Variants in PIK3CA observed in about 807,000 individuals in gnomAD.
PIK3CA encodes the protein phosphatidylinositol 4,5-bisphosphate 3-kinase catalytic subunit alpha isoform.
In PIK3CA, 27 loss-of-function variants were observed where a neutral mutation model predicts 138.2. The observed-to-expected ratio is 0.20, with a 90% CI of 0.14 to 0.27. PIK3CA has a LOEUF of 0.27. Among genes scored for constraint, PIK3CA ranks in the 10% least tolerant of loss-of-function variants. The probability of loss-of-function intolerance (pLI) is 1.00; values close to 1 mark genes in which losing one functional copy is unlikely to be tolerated. For missense variants in PIK3CA, 544 were observed against 1,277.4 expected (o/e 0.43, Z 8.75); for synonymous variants, 358 against 413.2 (o/e 0.87, Z 1.62).
At position 179,212,098 on chromosome 3, in the gene PIK3CA, C is replaced by A. The variant is rs538948401; in HGVS notation, c.1539+1533C>A. 1.3e-3 allele frequency among the ~76,000 whole-genome samples: 198 copies of A among 152,038 alleles called. 1 individual carries two copies. Among genetic ancestry groups the A allele is most frequent in the African/African-American group, 4.5e-3 (185 of 41,502 alleles). On this transcript the variant is annotated intron_variant, in intron 9 of 20. Transcript: ENST00000263967. ...TCTTGGCTCACTGCAACCTCTGCCT[C>A]CCGGGTTCAAGTGATCCTCCTGCCT... is the stretch of plus-strand genomic sequence containing the variant.
chr3:179,196,528 T>C (rs575370399), intron 1 of PIK3CA, among the ~76,000 whole-genome samples: 1 of 152,342 alleles, frequency 6.6e-6, no homozygotes, highest in African/African-American at 2.4e-5. Flanking sequence ...TGGATCTCTT[T>C]TATAAGTTTG....
At chr3:179,215,244 A>G (rs1407525756) in intron 9 of PIK3CA, among the ~76,000 whole-genome samples, 1 of 152,210 alleles carries the variant, frequency 6.6e-6, no homozygotes, top group Non-Finnish European at 1.5e-5. Context: ...CTGCATTTAA[A>G]AGATACGAGT....
At chr3:179,175,437 T>C (rs981276048) in intron 1 of PIK3CA, among the ~76,000 whole-genome samples, 1 of 152,210 alleles carries the variant, frequency 6.6e-6, no homozygotes, top group African/African-American at 2.4e-5. Flanking sequence ...TTTTATGGTA[T>C]GGTACCTTGG....
At chr3:179,213,341 CA>C (rs1724763234) in intron 9 of PIK3CA, among the ~76,000 whole-genome samples, 1 of 152,158 alleles carries the variant, frequency 6.6e-6, no homozygotes, top group Middle Eastern at 3.2e-3. Flanking sequence ...AATAGTCTGT[CA>C]TCTGTAAAGT....
intron 1 of PIK3CA, among the ~76,000 whole-genome samples, chr3:179,179,908 A>G (rs1723798129): frequency 6.6e-6 from 1 of 152,202 alleles, no homozygotes. Flanking sequence ...AATTTAAAGG[A>G]TGAGTATGAT....
rs1724926189 is a variant in PIK3CA, at chr3:179,219,873, CTT to C, written c.1912-74_1912-73del. 6.3e-7 allele frequency: 1 copy of C among 1,576,782 alleles called. No individual in the cohort carries two copies. The highest frequency in any genetic ancestry group is 8.6e-7 in the Non-Finnish European group (1 of 1,165,394). The stretch of plus-strand genomic sequence containing the variant: ...AAAAAATTATTACCAGTAATATCCA[CTT>C]TCTTTCTGAAAAAATTTTCTTTAGA... On this transcript the variant is annotated intron_variant, in intron 12 of 20. Coordinates refer to ENST00000263967, the MANE Select transcript of PIK3CA (RefSeq NM_006218.4). The surrounding 1 kb of genome is among the most constrained non-coding windows in gnomAD (Gnocchi z 4.2).
At chr3:179,181,569 A>G (rs894072656) in intron 1 of PIK3CA, among the ~76,000 whole-genome samples, 4 of 152,202 alleles carry the variant, frequency 2.6e-5, no homozygotes, top group African/African-American at 9.6e-5. Context: ...GAATTATGCA[A>G]TAGAAATAGG....
At chr3:179,149,389 G>C (rs1347501270) in intron 1 of PIK3CA, 1 of 152,082 alleles carries the variant, frequency 6.6e-6, no homozygotes, top group Non-Finnish European at 1.5e-5. Flanking sequence ...TTTTGACCTC[G>C]GCTCGAGGGG....
intron 1 of PIK3CA, among the ~76,000 whole-genome samples, chr3:179,158,896 C>T (rs189146379): frequency 6.6e-6 from 1 of 150,664 alleles, no homozygotes; most frequent in East Asian, 1.9e-4. Context: ...AGACTATTCA[C>T]TCATATTTAA....
rs533983630 is a variant in PIK3CA, at chr3:179,159,307, G to A, written c.-77+10704G>A. Among the ~76,000 whole-genome samples, 9 of 152,222 alleles carry A rather than the reference G, an allele frequency of 5.9e-5. No individual in the cohort carries two copies. The South Asian group carries it at 1.7e-3, about 28-fold the overall frequency. ...GACCAAGAGTTTGTTTCCATAGTAA[G>A]GGATTATGACTAATTTAGGCATTGA... On this transcript the variant is annotated intron_variant, in intron 1 of 20. Transcript: ENST00000263967.
Position 179,226,052 on chromosome 3 carries a change from G to C in PIK3CA, c.2495+12G>C, listed in dbSNP as rs746370623. The C allele has an allele frequency of 6.9e-7, 1 of 1,454,920 alleles. No individual in the cohort carries two copies. Among genetic ancestry groups the C allele is most frequent in the Admixed American group, 1.7e-5 (1 of 59,496 alleles). The allele number at this position is 1,454,920 out of a possible 1,614,324, so 90.1% of individuals were successfully genotyped here. ...GGTCTTGATCTTCGGTAGGTAACCA[G>C]TAAGGCAACCTGTATGTTGAAAGTT... On this transcript the variant is annotated intron_variant, in intron 17 of 20. Transcript: ENST00000263967.
intron 9 of PIK3CA, 38 bp downstream of exon 9, chr3:179,210,603 A>T (rs2108401890): frequency 1.3e-6 from 2 of 1,597,988 alleles, no homozygotes; most frequent in Non-Finnish European, 8.6e-7. Flanking sequence ...TATCAATTAT[A>T]ATCTGTGGAT....
intron 9 of PIK3CA, among the ~76,000 whole-genome samples, chr3:179,211,523 CG>C (rs1362106795): frequency 6.6e-6 from 1 of 151,908 alleles, no homozygotes; most frequent in African/African-American, 2.4e-5. Flanking sequence ...TACAAAAAGC[CG>C]GGTGTGGTGG....
Position 179,199,024 on chromosome 3 carries a change from T to G in PIK3CA, c.199T>G (p.Ser67Ala), listed in dbSNP as rs1456514123. The change falls in exon 2 of 21, where the codon TCT (serine) becomes GCT (alanine). Residue 67 changes from serine (S) to alanine (A), a missense_variant. Physicochemically the swap from Ser to Ala is moderately conservative, Grantham distance 99. Transcript: ENST00000263967. ...PLHQLLQDES[S>A]YIFVSVTQEA... The stretch of plus-strand genomic sequence containing the variant: ...CCATCAACTTCTTCAAGATGAATCT[T>G]CTTACATTTTCGTAAGTGTTACTCA... The G allele has an allele frequency of 6.2e-7, 1 of 1,613,722 alleles. No homozygotes were observed. Among genetic ancestry groups the G allele is most frequent in the Non-Finnish European group, 8.5e-7 (1 of 1,179,794 alleles).
In PIK3CA at chr3:179,232,619, A is replaced by AT. The variant is rs145356741; in HGVS notation, c.2937-1466dup. On this transcript the variant is annotated intron_variant, in intron 20 of 20. Coordinates refer to ENST00000263967, the MANE Select transcript of PIK3CA (RefSeq NM_006218.4). Reference sequence around the variant, plus strand: ...TGGTCGGTTTTATATGAATTTTAGGATTTTTTTTTCTAATTCTGTGAAAAA... The same window carrying AT: ...TGGTCGGTTTTATATGAATTTTAGGATTTTTTTTTTCTAATTCTGTGAAAAA... Among the ~76,000 whole-genome samples, 12 of 150,628 alleles carry AT rather than the reference A, an allele frequency of 8.0e-5. No homozygotes were observed. The South Asian group carries it at 8.4e-4, about 11-fold the overall frequency.
intron 20 of PIK3CA, among the ~76,000 whole-genome samples, chr3:179,231,315 G>C (rs1725205702): frequency 2.6e-5 from 4 of 151,920 alleles, no homozygotes; most frequent in Admixed American, 2.6e-4. Context: ...TTTTCCTCTG[G>C]GTAGAGGGAT....
At chr3:179,156,396 C>A (rs559734983) in intron 1 of PIK3CA, among the ~76,000 whole-genome samples, 117 of 152,260 alleles carry the variant, frequency 7.7e-4, no homozygotes, top group African/African-American at 2.7e-3. Flanking sequence ...TGTCACAGCA[C>A]CCTTAATAGC....
At chr3:179,203,978 C>G (rs1438508985) in intron 5 of PIK3CA, among the ~76,000 whole-genome samples, 189 bp downstream of exon 5, 3 of 152,174 alleles carry the variant, frequency 2.0e-5, no homozygotes, top group Admixed American at 2.0e-4. Flanking sequence ...TTATACAGCT[C>G]ACAGTCCTTT....
In PIK3CA at chr3:179,237,883, T is replaced by TGCA. The variant is rs1287294630; in HGVS notation, c.*3521_*3523dup. The TGCA allele has an allele frequency of 4.7e-6, 1 of 210,642 alleles. No homozygotes were observed. Among genetic ancestry groups the TGCA allele is most frequent in the African/African-American group, 2.3e-5 (1 of 44,160 alleles). The allele number at this position is 210,642 out of a possible 1,614,324, so 13.0% of individuals were successfully genotyped here. A position where few individuals can be genotyped will look rare whatever the true frequency, so the allele number is the denominator to read the frequency against. On this transcript the variant is annotated 3_prime_UTR_variant, in exon 21 of 21. Coordinates refer to ENST00000263967, the MANE Select transcript of PIK3CA (RefSeq NM_006218.4). ...CTCTTTTTTCTATGTCTGCACAAAC[T>TGCA]GCAGACCTGGGCTGGACCCACATAC...
Sources: allele counts gnomAD v4.1 joint callset (sites outside exome capture counted in the v4.1 genomes callset), GRCh38; gene constraint gnomAD v4.1.1; non-coding constraint Gnocchi (gnomAD v3.1); transcripts MANE v1.5; gene names NCBI Gene and HGNC (gene_info 2026-07-23, HGNC 2026-07-21).